The following AK9 variants were observed in gnomAD, a reference collection of about 807,000 sequenced individuals.
AK9 encodes adenylate kinase domain containing 1.
AK9 carries 191 observed loss-of-function variants against 239.6 expected under a neutral mutation model. The observed-to-expected ratio is 0.80, with a 90% CI of 0.71 to 0.90. AK9 has a LOEUF of 0.90. AK9 is among the 40% of genes least tolerant of loss of function. AK9 has a pLI of 0.00. For synonymous variants in AK9, 689 were observed against 721.0 expected (o/e 0.96, Z 0.71); for missense variants, 1,995 against 2,214.7 (o/e 0.90, Z 1.99).
intron 12 of AK9, chr6:109,631,990 A>G (rs959198933): frequency 5.0e-6 from 1 of 201,474 alleles, no homozygotes; most frequent in Non-Finnish European, 8.8e-6. Context: ...AGTGAATGCC[A>G]TAAAATTCTG....
At chr6:109,626,456 T>C (rs566458536) in intron 12 of AK9, among the ~76,000 whole-genome samples, 3 of 152,324 alleles carry the variant, frequency 2.0e-5, no homozygotes, top group Admixed American at 2.0e-4. Context: ...CTGTCAGTGT[T>C]GACTTTTGTT....
chr6:109,657,265 T>C lies in AK9; in HGVS notation c.631-381A>G, dbSNP rs781703251. Among the ~76,000 whole-genome samples, 47 of 152,118 alleles carry C rather than the reference T, an allele frequency of 3.1e-4. 1 individual carries two copies. The highest frequency in any genetic ancestry group is 1.0e-4 in the Non-Finnish European group (7 of 68,020). On this transcript the variant is annotated intron_variant, in intron 7 of 40. Coordinates refer to ENST00000424296, the MANE Select transcript of AK9 (RefSeq NM_001145128.3). ...ATGCATCAGGCACTGTTCTAAGGAT[T>C]TGGAATAGAACAGTGAACAAAACCA...
chr6:109,514,446 T>C lies in AK9; in HGVS notation c.4066-9A>G, dbSNP rs1231052985. 6 of 1,524,552 alleles carry C rather than the reference T, an allele frequency of 3.9e-6. No individual in the cohort carries two copies. Among genetic ancestry groups the C allele is most frequent in the South Asian group, 3.7e-5 (3 of 80,178 alleles). The allele number at this position is 1,524,552 out of a possible 1,614,324, so 94.4% of individuals were successfully genotyped here. On this transcript the variant is annotated splice_polypyrimidine_tract_variant and intron_variant, in intron 31 of 40. Transcript: ENST00000424296. The stretch of plus-strand genomic sequence containing the variant: ...GTCTCTCCTTCACTTAGCTGCAACA[T>C]ATACACAGTTGAATTTGAAAGTTAG...
Position 109,533,403 on chromosome 6 carries a change from C to T in AK9, c.3418G>A (p.Gly1140Arg). Reference sequence around the variant, plus strand: ...AAAACAGCTGCATCTGGGAAAAATCCACGATCTCCCAAAAACTGGGCCTCT... The same window carrying T: ...AAAACAGCTGCATCTGGGAAAAATCTACGATCTCCCAAAAACTGGGCCTCT... ...PEEAQFLGDR[G>R]FFPDAAVFIQ... The change falls in exon 28 of 41, where the codon GGA (glycine) becomes AGA (arginine). Residue 1140 changes from glycine (G) to arginine (R), a missense_variant. By Grantham distance (125) the Gly-to-Arg change is moderately radical. Around this residue, in one of 5 missense-constraint regions of AK9, gnomAD observed 1,290 missense variants for 1,392.7 expected, o/e 0.93. Coordinates refer to ENST00000424296, the MANE Select transcript of AK9 (RefSeq NM_001145128.3). 6.2e-7 allele frequency: 1 copy of T among 1,610,232 alleles called. No individual in the cohort carries two copies. Among genetic ancestry groups the T allele is most frequent in the African/African-American group, 1.3e-5 (1 of 74,900 alleles).
rs1360465948 is a variant in AK9 at position 109,497,799 on chromosome 6, T to C, written c.5213A>G (p.Gln1738Arg). The change falls in exon 37 of 41, where the codon CAA (glutamine) becomes CGA (arginine). Residue 1738 changes from glutamine to arginine, a missense_variant. By Grantham distance (43) the Gln-to-Arg change is conservative. This residue lies in a region of AK9 where 391 missense variants were observed against 456.0 expected (regional missense o/e 0.86). Coordinates refer to ENST00000424296, the MANE Select transcript of AK9 (RefSeq NM_001145128.3). Reference protein sequence around the residue: ...YCPVTYKDGNQRYEALVPGSI... With the variant: ...YCPVTYKDGNRRYEALVPGSI... Reference sequence around the variant, plus strand: ...TTCCATGAAGGCCAGGACTTGCCTTTGGTTTCCATCCTTATAGGTCACTGG... The same window carrying C: ...TTCCATGAAGGCCAGGACTTGCCTTCGGTTTCCATCCTTATAGGTCACTGG... The C allele has an allele frequency of 6.2e-7, 1 of 1,611,152 alleles. No homozygotes were observed. Among genetic ancestry groups the C allele is most frequent in the Non-Finnish European group, 8.5e-7 (1 of 1,177,542 alleles).
chr6:109,611,739 A>G (rs1000527865), intron 16 of AK9, among the ~76,000 whole-genome samples: 2 of 152,130 alleles, frequency 1.3e-5, no homozygotes, highest in African/African-American at 4.8e-5. Context: ...CTATTATAGT[A>G]GCTGTGTGCC....
At chr6:109,549,683 T>TTTTTTTTTTTTTTTTTTTTTTTTTTA (rs1784083658) in intron 25 of AK9, 1 of 145,472 alleles carries the variant, frequency 6.9e-6, no homozygotes, top group South Asian at 2.4e-4. Context: ...TTTTTTTTTT[T>TTTTTTTTTTTTTTTTTTTTTTTTTTA]GAGACGGAGT....
At chr6:109,500,627 C>T (rs1582729040) in intron 35 of AK9, among the ~76,000 whole-genome samples, 2 of 152,276 alleles carry the variant, frequency 1.3e-5, no homozygotes, top group Middle Eastern at 3.4e-3. Flanking sequence ...TAGAAATGAT[C>T]TCATCTGCAA....
intron 10 of AK9, among the ~76,000 whole-genome samples, chr6:109,637,011 T>A (rs985086235): frequency 2.6e-5 from 4 of 152,140 alleles, no homozygotes; most frequent in Non-Finnish European, 4.4e-5. Flanking sequence ...CCATTTTACA[T>A]CCCCACAAAC....
At chr6:109,637,891 A>C (rs2128281604) in intron 10 of AK9, among the ~76,000 whole-genome samples, 2 of 152,312 alleles carry the variant, frequency 1.3e-5, no homozygotes, top group Admixed American at 1.3e-4. Flanking sequence ...AATTTGTTCT[A>C]GATTTTGTAA....
intron 29 of AK9, chr6:109,528,428 T>A (rs568687246): frequency 2.0e-5 from 8 of 396,302 alleles, no homozygotes; most frequent in African/African-American, 1.0e-4. Context: ...TGTTTGCTGA[T>A]GGACTGAATG....
chr6:109,504,523 TGTCA>T (rs772497114), intron 35 of AK9, among the ~76,000 whole-genome samples: 2 of 152,002 alleles, frequency 1.3e-5, no homozygotes, highest in African/African-American at 4.8e-5. Context: ...TTTAACTGGG[TGTCA>T]GTCAGGCATG....
intron 24 of AK9, among the ~76,000 whole-genome samples, chr6:109,553,145 C>A (rs1193185150): frequency 6.6e-6 from 1 of 152,160 alleles, no homozygotes; most frequent in African/African-American, 2.4e-5. Flanking sequence ...CGTGATGCCT[C>A]TAGCTTTGTT....
At chr6:109,526,460 A>G (rs1168057837) in intron 29 of AK9, among the ~76,000 whole-genome samples, 1 of 152,134 alleles carries the variant, frequency 6.6e-6, no homozygotes, top group African/African-American at 2.4e-5. Context: ...AAATAAATTC[A>G]TAGTCTCAGA....
chr6:109,569,893 C>G (rs1787161509), intron 21 of AK9, among the ~76,000 whole-genome samples: 1 of 152,134 alleles, frequency 6.6e-6, no homozygotes, highest in Admixed American at 6.6e-5. Context: ...GGATCTAGAA[C>G]TAGAAATACC....
At chr6:109,512,712 C>T (rs575713923) in intron 32 of AK9, among the ~76,000 whole-genome samples, 4 of 146,214 alleles carry the variant, frequency 2.7e-5, no homozygotes, top group Admixed American at 2.1e-4. Context: ...CTCATTGTGA[C>T]CACCCACTGT....
chr6:109,674,899 T>C (rs1771478967), intron 2 of AK9, among the ~76,000 whole-genome samples: 1 of 152,238 alleles, frequency 6.6e-6, no homozygotes, highest in Non-Finnish European at 1.5e-5. Context: ...TCTGCTATTC[T>C]GGAGAGGCTC....
In AK9 at chr6:109,493,376, T is replaced by A. The variant is rs1448378331; in HGVS notation, c.5729A>T (p.Asn1910Ile). The change falls in exon 41 of 41, where the codon AAT becomes ATT. Residue 1910 changes from asparagine to isoleucine, a missense_variant. Transcript: ENST00000424296. ...FLSLRNIDPING is the reference protein window; with the variant it reads ...FLSLRNIDPIIG ...TGCTATCACCTAAGTAAACTACCCA[T>A]TAATTGGGTCTATATTTCTGAGAGA... 2 of 1,611,790 alleles carry A rather than the reference T, an allele frequency of 1.2e-6. No individual in the cohort carries two copies.
intron 10 of AK9, among the ~76,000 whole-genome samples, chr6:109,635,858 T>C (rs796807006): frequency 2.6e-5 from 4 of 152,288 alleles, no homozygotes; most frequent in African/African-American, 9.6e-5. Context: ...AGCAGCAGAG[T>C]ATTAAACTAA....
Sources: allele counts gnomAD v4.1 joint callset (sites outside exome capture counted in the v4.1 genomes callset), GRCh38; gene constraint gnomAD v4.1.1; regional missense constraint gnomAD v4.1.1; transcripts MANE v1.5; gene names NCBI Gene and HGNC (gene_info 2026-07-23, HGNC 2026-07-21).